Variants in SYNE2 observed in about 807,000 individuals in gnomAD.
SYNE2 encodes the protein nesprin-2.
A neutral mutation model predicts 856.3 loss-of-function variants in SYNE2; 431 were observed. That is an observed-to-expected ratio of 0.50 (90% CI 0.47 to 0.55). The LOEUF (loss-of-function observed/expected upper bound fraction) is 0.55, where lower values mean the gene tolerates loss of function less well. Among genes scored for constraint, SYNE2 ranks in the 20% least tolerant of loss-of-function variants. SYNE2 has a pLI of 0.00. For synonymous variants in SYNE2, 2,923 were observed against 2,872.3 expected, an observed-to-expected ratio of 1.02 and a Z score of -0.56; for missense variants, 8,129 against 8,023.2, an observed-to-expected ratio of 1.01 and a Z score of -0.50.
rs746193311 is a variant in SYNE2, at chr14:64,208,770, G to A, written c.18214G>A (p.Asp6072Asn). 2 of 1,614,220 alleles carry A rather than the reference G, an allele frequency of 1.2e-6. No homozygotes were observed. Among genetic ancestry groups the A allele is most frequent in the South Asian group, 2.2e-5 (2 of 91,080 alleles). The part of the protein sequence containing the change: ...RLAEQQDLQR[D>N]IEQHSAGVES... ...GTTGTAATCACAGGATCTACAGCGA[G>A]ATATTGAACAACACAGCGCAGGGGT... Residue 6072 changes from aspartate (D) to asparagine (N), a missense_variant, in exon 101 of 116, where the codon GAT becomes AAT. By Grantham distance (23) the Asp-to-Asn change is conservative. Around this residue, in one of 3 missense-constraint regions of SYNE2, gnomAD observed 5,410 missense variants for 5,284.8 expected, o/e 1.02. Coordinates refer to ENST00000555002, the MANE Select transcript of SYNE2 (RefSeq NM_182914.3).
At chr14:64,029,128 C>T (rs113615840) in intron 43 of SYNE2, among the ~76,000 whole-genome samples, 2,348 of 152,036 alleles carry the variant, frequency 0.015, 44 homozygotes, top group African/African-American at 0.044. Context: ...GAGTGAGACT[C>T]CATCTCAAAA....
At chr14:64,165,258 T>C in intron 89 of SYNE2, 27 bp from the exon 90 acceptor site, 1 of 1,610,020 alleles carries the variant, frequency 6.2e-7, no homozygotes, top group Non-Finnish European at 8.5e-7. Context: ...TGAAAATAGT[T>C]TCTAATGAAA....
chr14:63,959,483 A>G (rs760376848), intron 8 of SYNE2, among the ~76,000 whole-genome samples: 1 of 151,352 alleles, frequency 6.6e-6, no homozygotes, highest in South Asian at 2.1e-4. Context: ...TTTTTAGTAG[A>G]GAGGGGGTTT....
Position 63,775,556 on chromosome 14 carries a change from G to A in SYNE2, c.-305+13570G>A, listed in dbSNP as rs533389390. 3.9e-5 allele frequency among the ~76,000 whole-genome samples: 6 copies of A among 152,206 alleles called. No individual in the cohort carries two copies. The South Asian group carries it at 6.2e-4, about 16-fold the overall frequency. Reference sequence around the variant, plus strand: ...CTCCCAAAGTGTTGGGATTACAGGCGTGAGCCACTATGCCAGACCTATTTT... The same window carrying A: ...CTCCCAAAGTGTTGGGATTACAGGCATGAGCCACTATGCCAGACCTATTTT... On this transcript the variant is annotated intron_variant, in intron 1 of 23. Coordinates refer to the SYNE2 transcript ENST00000674003.
chr14:63,825,997 T>C (rs1357109969), intron 1 of SYNE2, among the ~76,000 whole-genome samples: 1 of 152,174 alleles, frequency 6.6e-6, no homozygotes, highest in Non-Finnish European at 1.5e-5. Flanking sequence ...CTGAATCCAA[T>C]AGCTGTAAAA....
chr14:64,065,381 G>C (rs1326267949), intron 50 of SYNE2, 51 bp from the exon 51 acceptor site: 1 of 1,525,884 alleles, frequency 6.6e-7, no homozygotes, highest in African/African-American at 1.4e-5. Flanking sequence ...GTAAGTTTCA[G>C]GAAAACCATA....
chr14:64,224,432 G>C, intron 113 of SYNE2, 29 bp from the exon 114 acceptor site: 1 of 1,582,632 alleles, frequency 6.3e-7, no homozygotes, highest in Non-Finnish European at 8.6e-7. Context: ...ACACATTTCT[G>C]TGCTCAACCT....
intron 1 of SYNE2, among the ~76,000 whole-genome samples, chr14:63,784,410 T>A (rs1887436618): frequency 6.6e-6 from 1 of 151,820 alleles, no homozygotes; most frequent in Non-Finnish European, 1.5e-5. Flanking sequence ...GGCAGGAAAA[T>A]CTCTTGAACC....
chr14:64,177,619 CAT>C (rs2098440931), intron 96 of SYNE2, 136 bp downstream of exon 96: 1 of 1,135,856 alleles, frequency 8.8e-7, no homozygotes, highest in African/African-American at 1.6e-5. Flanking sequence ...ATCTGTCTAA[CAT>C]AACATGCTCG....
chr14:63,856,077 C>T (rs71416319), intron 1 of SYNE2, among the ~76,000 whole-genome samples: 9,131 of 152,160 alleles, frequency 0.06, 304 homozygotes, highest in Admixed American at 0.1. Flanking sequence ...GCTCAAAGGC[C>T]TCCAGGCAGG....
intron 11 of SYNE2, among the ~76,000 whole-genome samples, chr14:63,974,023 A>T (rs1013050079): frequency 6.6e-6 from 1 of 152,190 alleles, no homozygotes; most frequent in African/African-American, 2.4e-5. Context: ...TGAGGCCAGG[A>T]GTTCAAGACC....
At chr14:64,138,035 C>T in intron 79 of SYNE2, 52 bp downstream of exon 79, 1 of 1,567,472 alleles carries the variant, frequency 6.4e-7, no homozygotes, top group Non-Finnish European at 8.7e-7. Context: ...GAAGAAAGAC[C>T]TCGGGGATTC....
At chr14:64,141,017 A>G (rs1473775949) in intron 80 of SYNE2, among the ~76,000 whole-genome samples, 1 of 152,178 alleles carries the variant, frequency 6.6e-6, no homozygotes, top group Non-Finnish European at 1.5e-5. Context: ...TTTAATTACA[A>G]ACTTGTTGCA....
At chr14:64,075,781 CTG>C (rs1213978657) in intron 53 of SYNE2, 162 bp from the exon 54 acceptor site, 1 of 674,656 alleles carries the variant, frequency 1.5e-6, no homozygotes, top group Non-Finnish European at 2.6e-6. Context: ...TCTGACTAAA[CTG>C]AGTGTCTCTG....
At chr14:64,007,375 G>T (rs2096804672) in intron 31 of SYNE2, among the ~76,000 whole-genome samples, 153 bp downstream of exon 31, 1 of 152,166 alleles carries the variant, frequency 6.6e-6, no homozygotes, top group African/African-American at 2.4e-5. Context: ...CCAGTGTCTG[G>T]GACAAGACCT....
chr14:64,218,466 A>C lies in SYNE2; in HGVS notation c.19611A>C (p.Pro6537=), dbSNP rs890814296. ...GCCCGCGAGTCCTGAATGGCAACCC[A>C]CAGCAGGAAGACGGGGGACTGGCCG... ...KEGPRVLNGN[P]QQEDGGLAGI... is the part of the protein sequence containing the mutation. The change falls in exon 109 of 116, where the codon CCA becomes CCC. Residue 6537 remains proline, a synonymous_variant. Transcript: ENST00000555002. 10 of 1,614,174 alleles carry C rather than the reference A, an allele frequency of 6.2e-6. No individual in the cohort carries two copies. Among genetic ancestry groups the C allele is most frequent in the Non-Finnish European group, 8.5e-6 (10 of 1,180,044 alleles).
intron 1 of SYNE2, among the ~76,000 whole-genome samples, chr14:63,897,286 A>G (rs1349205363): frequency 1.3e-5 from 2 of 152,266 alleles, no homozygotes; most frequent in Middle Eastern, 3.4e-3. Context: ...ATAAATTTAC[A>G]TAAAGGACAT....
chr14:63,805,104 C>T (rs1026777811), intron 1 of SYNE2, among the ~76,000 whole-genome samples: 1 of 152,144 alleles, frequency 6.6e-6, no homozygotes, highest in Non-Finnish European at 1.5e-5. Context: ...GTCTGTGTGT[C>T]TCTTTTTGTA....
chr14:64,137,582 G>A (rs2153687839), intron 78 of SYNE2, among the ~76,000 whole-genome samples: 1 of 152,254 alleles, frequency 6.6e-6, no homozygotes. Flanking sequence ...CTGTGCTCTA[G>A]AAATGCAAGA....
Sources: allele counts gnomAD v4.1 joint callset (sites outside exome capture counted in the v4.1 genomes callset), GRCh38; gene constraint gnomAD v4.1.1; regional missense constraint gnomAD v4.1.1; transcripts MANE v1.5; gene names NCBI Gene and HGNC (gene_info 2026-07-23, HGNC 2026-07-21).